The following CTNNA2 variants were observed in gnomAD, a reference collection of about 807,000 sequenced individuals.
The protein encoded by CTNNA2 is catenin alpha-2.
A neutral mutation model predicts 101.0 loss-of-function variants in CTNNA2; 42 were observed. The observed-to-expected ratio is 0.42, with a 90% confidence interval of 0.32 to 0.54. The LOEUF (loss-of-function observed/expected upper bound fraction) is 0.54, where lower values mean the gene tolerates loss of function less well. CTNNA2 is among the 20% of genes least tolerant of loss of function. The probability of loss-of-function intolerance (pLI) is 0.14; values close to 1 mark genes in which losing one functional copy is unlikely to be tolerated. For missense variants in CTNNA2, 871 were observed against 1,223.1 expected (o/e 0.71, Z 4.29); for synonymous variants, 450 against 456.4 (o/e 0.99, Z 0.18).
At chr2:79,234,869 C>T (rs1336183176) in intron 2 of CTNNA2, among the ~76,000 whole-genome samples, 1 of 152,110 alleles carries the variant, frequency 6.6e-6, no homozygotes, top group African/African-American at 2.4e-5. Flanking sequence ...GTAAATTTTT[C>T]AGCTCCAGAA....
At chr2:79,393,729 G>T (rs940313394) in intron 4 of CTNNA2, among the ~76,000 whole-genome samples, 1 of 151,044 alleles carries the variant, frequency 6.6e-6, no homozygotes. Context: ...TAGGGTTTCC[G>T]TGCTACTAAA....
At chr2:79,616,475 C>T (rs1308656347) in intron 1 of CTNNA2, among the ~76,000 whole-genome samples, 2 of 152,080 alleles carry the variant, frequency 1.3e-5, no homozygotes, top group Non-Finnish European at 2.9e-5. Context: ...CTTATCACAG[C>T]AAGCATATAT....
At chr2:80,545,305 G>A (rs1053284598) in intron 10 of CTNNA2, among the ~76,000 whole-genome samples, 1 of 152,172 alleles carries the variant, frequency 6.6e-6, no homozygotes, top group Non-Finnish European at 1.5e-5. Context: ...CCAGTGCTCT[G>A]GGAGGCTGAA....
chr2:80,275,250 A>C (rs1029116835), intron 7 of CTNNA2, among the ~76,000 whole-genome samples: 1 of 152,214 alleles, frequency 6.6e-6, no homozygotes, highest in Non-Finnish European at 1.5e-5. Context: ...TGATCATACC[A>C]AAAGGCAAGG....
At chr2:79,847,622 C>A (rs1462949908) in intron 3 of CTNNA2, among the ~76,000 whole-genome samples, 1 of 145,774 alleles carries the variant, frequency 6.9e-6, no homozygotes, top group East Asian at 2.1e-4. Context: ...GTTTTTTGTC[C>A]TAGAGGTCAC....
chr2:79,427,535 T>C (rs1678605572), intron 4 of CTNNA2, among the ~76,000 whole-genome samples: 1 of 152,068 alleles, frequency 6.6e-6, no homozygotes, highest in African/African-American at 2.4e-5. Context: ...AATTTATTTT[T>C]CTTTCCATTC....
chr2:79,328,638 C>T (rs1407537168), intron 3 of CTNNA2, among the ~76,000 whole-genome samples: 1 of 152,000 alleles, frequency 6.6e-6, no homozygotes, highest in African/African-American at 2.4e-5. Context: ...AATGAGGCAT[C>T]CATGAAGGTA....
At chr2:80,611,319 A>G (rs1698452010) in intron 17 of CTNNA2, among the ~76,000 whole-genome samples, 3 of 151,224 alleles carry the variant, frequency 2.0e-5, no homozygotes, top group Non-Finnish European at 4.4e-5. Context: ...AGGGGAGGGG[A>G]GGGTAGAAGA....
At chr2:79,766,295 A>G (rs541532916) in intron 3 of CTNNA2, among the ~76,000 whole-genome samples, 5 of 152,258 alleles carry the variant, frequency 3.3e-5, no homozygotes, top group African/African-American at 9.6e-5. Context: ...TTTTCACCAG[A>G]TATACTATTC....
At chr2:80,106,067 A>G (rs141384455) in intron 7 of CTNNA2, among the ~76,000 whole-genome samples, 272 of 152,308 alleles carry the variant, frequency 1.8e-3, no homozygotes, top group African/African-American at 6.4e-3. Context: ...ATAGGTCCCA[A>G]AGCAATGCCT....
intron 3 of CTNNA2, among the ~76,000 whole-genome samples, chr2:79,758,346 C>A (rs1414402338): frequency 6.6e-6 from 1 of 152,192 alleles, no homozygotes; most frequent in African/African-American, 2.4e-5. Context: ...TTGATGCAAA[C>A]CAGGCAGTCT....
At chr2:79,657,279 G>C (rs1420472573) in intron 2 of CTNNA2, among the ~76,000 whole-genome samples, 1 of 151,782 alleles carries the variant, frequency 6.6e-6, no homozygotes, top group East Asian at 1.9e-4. Flanking sequence ...AACAAGAAAG[G>C]TTAAAAGAAG....
At chr2:80,079,882 T>TAAAATAAATAA (rs1553445210) in intron 7 of CTNNA2, among the ~76,000 whole-genome samples, 1 of 54,574 alleles carries the variant, frequency 1.8e-5, no homozygotes, top group African/African-American at 4.8e-5. Flanking sequence ...TAAAATAAAA[T>TAAAATAAATAA]AATAAAATAA....
At chr2:80,540,550 T>G (rs1326540318) in intron 9 of CTNNA2, among the ~76,000 whole-genome samples, 1 of 150,434 alleles carries the variant, frequency 6.6e-6, no homozygotes, top group African/African-American at 2.5e-5. Context: ...TGAGCTGAGA[T>G]CTTGCTGCTG....
intron 3 of CTNNA2, among the ~76,000 whole-genome samples, chr2:79,774,106 G>T (rs1442949071): frequency 6.6e-6 from 1 of 152,242 alleles, no homozygotes; most frequent in African/African-American, 2.4e-5. Context: ...TAACAAACTG[G>T]TTGTGGCAGA....
chr2:79,885,613 A>T (rs932655720), intron 6 of CTNNA2, among the ~76,000 whole-genome samples: 2 of 152,216 alleles, frequency 1.3e-5, no homozygotes, highest in East Asian at 3.8e-4. Flanking sequence ...GGCCTTATCT[A>T]CTTCGATATT....
chr2:80,389,719 G>C (rs1337920907), intron 7 of CTNNA2, among the ~76,000 whole-genome samples: 1 of 152,116 alleles, frequency 6.6e-6, no homozygotes, highest in African/African-American at 2.4e-5. Flanking sequence ...TTGGAGCTAA[G>C]AAAGGGCCAG....
chr2:79,262,414 A>C (rs1438104844), intron 2 of CTNNA2, among the ~76,000 whole-genome samples: 2 of 152,196 alleles, frequency 1.3e-5, no homozygotes, highest in African/African-American at 4.8e-5. Context: ...TAAAACCCAA[A>C]GACAGAAAAA....
At chr2:79,589,837 T>TCTTCTAA (rs1484088176) in intron 1 of CTNNA2, among the ~76,000 whole-genome samples, 8 of 152,094 alleles carry the variant, frequency 5.3e-5, no homozygotes, top group Non-Finnish European at 1.2e-4. Context: ...GCTACAGGTG[T>TCTTCTAA]CTTCTAACTT....
Sources: gnomAD v4.1 joint callset for allele counts (sites outside exome capture counted in the v4.1 genomes callset) on GRCh38, gnomAD v4.1.1 for gene constraint, MANE v1.5 for transcripts, NCBI Gene and HGNC (gene_info 2026-07-23, HGNC 2026-07-21) for gene names.